LRMDA: variants seen among roughly 807,000 people sequenced by gnomAD.
The protein encoded by LRMDA is leucine rich melanocyte differentiation associated, also known as leucine-rich melanocyte differentiation-associated protein.
A neutral mutation model predicts 29.8 loss-of-function variants in LRMDA; 18 were observed. That is an observed-to-expected ratio of 0.60 (90% CI 0.42 to 0.90). LRMDA has a LOEUF of 0.90. Among genes scored for constraint, LRMDA ranks in the 40% least tolerant of loss-of-function variants. The probability of loss-of-function intolerance (pLI) is 0.00; values close to 1 mark genes in which losing one functional copy is unlikely to be tolerated. For synonymous variants in LRMDA, 125 were observed against 109.4 expected, an observed-to-expected ratio of 1.14 and a Z score of -0.89; for missense variants, 273 against 273.9, an observed-to-expected ratio of 1.00 and a Z score of 0.02.
chr10:75,812,506 C>T (rs777063264), intron 2 of LRMDA, among the ~76,000 whole-genome samples: 3 of 152,102 alleles, frequency 2.0e-5, no homozygotes, highest in South Asian at 2.1e-4. Context: ...CCTTCCAAAC[C>T]GCAAACTTTC....
chr10:76,014,120 AT>A (rs1847836713), intron 2 of LRMDA, among the ~76,000 whole-genome samples: 1 of 133,532 alleles, frequency 7.5e-6, no homozygotes, highest in Non-Finnish European at 1.6e-5. Flanking sequence ...ATATATATAT[AT>A]ATAATTATAT....
intron 2 of LRMDA, among the ~76,000 whole-genome samples, chr10:75,463,114 T>C (rs1844607112): frequency 6.6e-6 from 1 of 152,192 alleles, no homozygotes; most frequent in Non-Finnish European, 1.5e-5. Flanking sequence ...TCCTGCATCC[T>C]CTTCTCTCTG....
chr10:76,054,747 G>A (rs944727028), intron 4 of LRMDA, among the ~76,000 whole-genome samples: 2 of 151,208 alleles, frequency 1.3e-5, no homozygotes, highest in African/African-American at 4.9e-5. Flanking sequence ...GAAGACGGAA[G>A]TTTTCTCTGA....
At chr10:75,772,971 G>A (rs1843264462) in intron 2 of LRMDA, among the ~76,000 whole-genome samples, 1 of 151,318 alleles carries the variant, frequency 6.6e-6, no homozygotes, top group Admixed American at 6.6e-5. Flanking sequence ...ATGGATTTGA[G>A]TAAAATTTAA....
chr10:76,321,091 C>T (rs1371949462), intron 5 of LRMDA, among the ~76,000 whole-genome samples: 1 of 152,086 alleles, frequency 6.6e-6, no homozygotes, highest in Non-Finnish European at 1.5e-5. Context: ...TTTTCCTCAT[C>T]GACAGACATT....
chr10:76,180,216 TCCTGTGAGC>T (rs1851017344), intron 5 of LRMDA, among the ~76,000 whole-genome samples: 1 of 149,660 alleles, frequency 6.7e-6, no homozygotes, highest in Non-Finnish European at 1.5e-5. Context: ...ATAGAAAGAC[TCCTGTGAGC>T]CCAGTAGAGA....
intron 2 of LRMDA, among the ~76,000 whole-genome samples, chr10:75,930,317 A>G (rs980175253): frequency 2.0e-5 from 3 of 152,090 alleles, no homozygotes; most frequent in South Asian, 2.1e-4. Context: ...TAGGCCTTTT[A>G]TAGATACAAC....
intron 2 of LRMDA, among the ~76,000 whole-genome samples, chr10:75,876,014 G>A (rs1845191624): frequency 6.6e-6 from 1 of 152,140 alleles, no homozygotes; most frequent in South Asian, 2.1e-4. Flanking sequence ...TTGGATCCTG[G>A]TGGTAGGACA....
intron 2 of LRMDA, among the ~76,000 whole-genome samples, chr10:75,772,858 G>C (rs1408197693): frequency 4.2e-5 from 5 of 118,314 alleles, no homozygotes; most frequent in East Asian, 6.7e-4. Flanking sequence ...TATTTTTTGG[G>C]GGGGGTGGGA....
intron 2 of LRMDA, among the ~76,000 whole-genome samples, chr10:75,877,829 G>A (rs780538361): frequency 7.9e-5 from 12 of 152,232 alleles, no homozygotes; most frequent in East Asian, 3.9e-4. Context: ...TTGGTACCAG[G>A]GATAAGCTGT....
chr10:76,261,601 C>T (rs983156835), intron 5 of LRMDA, among the ~76,000 whole-genome samples: 5 of 152,152 alleles, frequency 3.3e-5, no homozygotes, highest in Admixed American at 6.5e-5. Context: ...AAGGAGATAA[C>T]TAGATTTAGG....
At position 76,431,288 on chromosome 10, in the gene LRMDA, C is replaced by T. The variant is rs138227372; in HGVS notation, c.601+106803C>T. 4.4e-4 allele frequency among the ~76,000 whole-genome samples: 67 copies of T among 152,206 alleles called. 1 individual carries two copies. The highest frequency in any genetic ancestry group is 4.4e-3 in the South Asian group (21 of 4,812). ...ATGCAGAGAGGAGCATGGATGCGAA[C>T]GGGCCCATAACTAGGAGCTTTTTGC... On this transcript the variant is annotated intron_variant, in intron 6 of 6. Transcript: ENST00000611255.
chr10:75,813,901 A>T (rs984608573), intron 2 of LRMDA, among the ~76,000 whole-genome samples: 1 of 152,196 alleles, frequency 6.6e-6, no homozygotes, highest in African/African-American at 2.4e-5. Flanking sequence ...TGCTGGGTCA[A>T]AATGCTGAAT....
intron 2 of LRMDA, among the ~76,000 whole-genome samples, chr10:76,003,379 C>T (rs1296250940): frequency 6.6e-6 from 1 of 151,646 alleles, no homozygotes; most frequent in African/African-American, 2.4e-5. Flanking sequence ...CCCTCTCTCT[C>T]TACCATCCTC....
At chr10:76,352,636 G>A (rs1001239733) in intron 6 of LRMDA, among the ~76,000 whole-genome samples, 2 of 152,116 alleles carry the variant, frequency 1.3e-5, no homozygotes, top group Non-Finnish European at 2.9e-5. Flanking sequence ...TCAGACTCTA[G>A]TTGACTGTGG....
At chr10:75,836,898 C>T (rs1257067431) in intron 2 of LRMDA, among the ~76,000 whole-genome samples, 2 of 152,074 alleles carry the variant, frequency 1.3e-5, no homozygotes, top group African/African-American at 4.8e-5. Context: ...ATTATAATGT[C>T]ATTGAGACAT....
chr10:76,133,166 G>A (rs776019529), intron 5 of LRMDA, among the ~76,000 whole-genome samples: 18 of 151,848 alleles, frequency 1.2e-4, no homozygotes, highest in Non-Finnish European at 2.1e-4. Context: ...TTGTTTGGTT[G>A]AAGCAAGGGA....
intron 2 of LRMDA, among the ~76,000 whole-genome samples, chr10:75,767,474 C>T (rs764121041): frequency 6.6e-6 from 1 of 152,134 alleles, no homozygotes; most frequent in Admixed American, 6.5e-5. Context: ...TTGATTCCCA[C>T]CTACCTGCTA....
intron 5 of LRMDA, among the ~76,000 whole-genome samples, chr10:76,091,276 CGTGTGTGT>C (rs56145957): frequency 0.014 from 2,055 of 146,890 alleles, 46 homozygotes; most frequent in African/African-American, 0.046. Flanking sequence ...ACATGGTGGA[CGTGTGTGT>C]GTGTGTGTGT....
Sources: allele counts gnomAD v4.1 joint callset (sites outside exome capture counted in the v4.1 genomes callset), GRCh38; gene constraint gnomAD v4.1.1; transcripts MANE v1.5; gene names NCBI Gene and HGNC (gene_info 2026-07-23, HGNC 2026-07-21).